CACNA1A: variants seen among roughly 807,000 people sequenced by gnomAD.
The protein encoded by CACNA1A is calcium voltage-gated channel subunit alpha1 A, also known as voltage-dependent P/Q-type calcium channel subunit alpha-1A.
Under a neutral mutation model 262.4 loss-of-function variants are expected in CACNA1A, and 57 were observed. That is an observed-to-expected ratio of 0.22 (90% CI 0.18 to 0.27). The LOEUF (loss-of-function observed/expected upper bound fraction) is 0.27, where lower values mean the gene tolerates loss of function less well. Ranked by LOEUF, CACNA1A falls within the 10% of genes least tolerant of loss-of-function variation. CACNA1A has a pLI of 1.00. For missense variants in CACNA1A, 2,526 were observed against 3,562.8 expected, an observed-to-expected ratio of 0.71 and a Z score of 7.41; for synonymous variants, 1,431 against 1,419.3, an observed-to-expected ratio of 1.01 and a Z score of -0.18.
intron 19 of CACNA1A, among the ~76,000 whole-genome samples, chr19:13,289,260 G>T (rs1249403263): frequency 1.3e-5 from 2 of 150,548 alleles, no homozygotes; most frequent in African/African-American, 4.9e-5. Flanking sequence ...TCCCACCTCA[G>T]CCTTCCCAGT....
intron 24 of CACNA1A, chr19:13,273,872 C>G (rs370612914): frequency 2.6e-5 from 4 of 151,636 alleles, no homozygotes; most frequent in African/African-American, 7.3e-5. Context: ...CTCAGCCTCC[C>G]GTGTAGCTGC....
rs34348281 is a variant in CACNA1A at position 13,488,390 on chromosome 19, C to CTTTTTTT, written c.293+17535_293+17541dup. ...GCATCAGCATTTTCCTTTTTCTTTT[C>CTTTTTTT]TTTTTTTTTTTTTTTTTTTTTTTTT... On this transcript the variant is annotated intron_variant, in intron 1 of 46. Transcript: ENST00000360228. Among the ~76,000 whole-genome samples the CTTTTTTT allele has an allele frequency of 2.6e-3, 203 of 77,638 alleles. 13 individuals are homozygous for CTTTTTTT. Among genetic ancestry groups the CTTTTTTT allele is most frequent in the African/African-American group, 0.011 (178 of 16,660 alleles). 50.9% of individuals were successfully genotyped at this position (77,638 alleles called of 152,430 possible).
chr19:13,455,076 G>A, intron 2 of CACNA1A, 31 bp downstream of exon 2: 1 of 1,373,058 alleles, frequency 7.3e-7, no homozygotes, highest in Non-Finnish European at 1.0e-6. Context: ...CTAAAGCCAA[G>A]GAGAAGACCC....
At chr19:13,431,109 G>C (rs1008707527) in intron 3 of CACNA1A, among the ~76,000 whole-genome samples, 2 of 151,938 alleles carry the variant, frequency 1.3e-5, no homozygotes, top group Non-Finnish European at 2.9e-5. Context: ...GGAGAATTTG[G>C]GCTTTTTCTC....
At chr19:13,291,106 C>T (rs192237403) in intron 19 of CACNA1A, among the ~76,000 whole-genome samples, 8 of 152,216 alleles carry the variant, frequency 5.3e-5, no homozygotes, top group Admixed American at 3.9e-4. Flanking sequence ...AGCTGCACCC[C>T]TACCCCCTTC....
At chr19:13,354,302 G>T (rs576159619) in intron 6 of CACNA1A, among the ~76,000 whole-genome samples, 64 of 152,282 alleles carry the variant, frequency 4.2e-4, no homozygotes, top group Non-Finnish European at 8.5e-4. Context: ...GAGTTGGCTG[G>T]CAAGGCCACA....
At chr19:13,279,632 A>C (rs767916352) in intron 22 of CACNA1A, among the ~76,000 whole-genome samples, 1 of 151,816 alleles carries the variant, frequency 6.6e-6, no homozygotes, top group Non-Finnish European at 1.5e-5. Flanking sequence ...TTACAGGCGC[A>C]TGCTACCACG....
rs1013100046 is a variant in CACNA1A at position 13,359,752 on chromosome 19, C to A, written c.832G>T (p.Ala278Ser). ...TTGGTCCCATTGGGGCAGGTGCGGG[C>A]GGGCTCTTCTGTCCCACATGGAGCC... is the stretch of plus-strand genomic sequence containing the variant. Reference protein sequence around the residue: ...SPAPCGTEEPARTCPNGTKCQ... With the variant: ...SPAPCGTEEPSRTCPNGTKCQ... Residue 278 changes from alanine (A) to serine (S), a missense_variant, in exon 6 of 47, where the codon GCC becomes TCC. This residue lies in a region of CACNA1A where 52 missense variants were observed against 124.0 expected (regional missense o/e 0.42). Coordinates refer to ENST00000360228, the MANE Select transcript of CACNA1A (RefSeq NM_001127222.2). 1.3e-6 allele frequency: 2 copies of A among 1,559,084 alleles called. No individual in the cohort carries two copies. Among genetic ancestry groups the A allele is most frequent in the Non-Finnish European group, 1.7e-6 (2 of 1,151,168 alleles).
At position 13,212,315 on chromosome 19, in the gene CACNA1A, G is replaced by GC. The variant is rs1456228037; in HGVS notation, c.6189+68_6189+69insG. On this transcript the variant is annotated intron_variant, in intron 42 of 46. Coordinates refer to ENST00000360228, the MANE Select transcript of CACNA1A (RefSeq NM_001127222.2). This position sits in a 1 kb window ranked among gnomAD's most constrained non-coding sequence, Gnocchi z 5.6. The stretch of plus-strand genomic sequence containing the variant: ...GAGCTGCAGGTGTGTGTGTGTGGGG[G>GC]GCCCAGATCCCTTCCACCTGAACCA... The GC allele has an allele frequency of 1.9e-6, 3 of 1,580,280 alleles. No homozygotes were observed. The African/African-American group carries it at 4.0e-5, about 21-fold the overall frequency.
intron 3 of CACNA1A, among the ~76,000 whole-genome samples, chr19:13,402,174 T>C (rs1027764896): frequency 2.0e-5 from 3 of 152,226 alleles, no homozygotes; most frequent in Admixed American, 1.3e-4. Context: ...CTCTCCTTCA[T>C]ACCTTTCCTA....
rs1208516413 is a variant in CACNA1A, at chr19:13,329,086, CAACAAT to C, written c.1345+1152_1345+1157del. 2.2e-4 allele frequency among the ~76,000 whole-genome samples: 33 copies of C among 152,260 alleles called. No homozygotes were observed. In the South Asian group the frequency reaches 6.9e-3, roughly 32 times the overall value. On this transcript the variant is annotated intron_variant, in intron 10 of 46. Coordinates refer to ENST00000360228, the MANE Select transcript of CACNA1A (RefSeq NM_001127222.2). The stretch of plus-strand genomic sequence containing the variant: ...ACAAAAACCCATTAAAGAACAACAA[CAACAAT>C]AACAATACATTCTCACTTTAGAAGG...
rs541076934 is a variant in CACNA1A at position 13,224,793 on chromosome 19, G to A, written c.5626-21C>T. 7 of 1,572,428 alleles carry A rather than the reference G, an allele frequency of 4.5e-6. No homozygotes were observed. In the South Asian group the frequency reaches 8.0e-5, roughly 18 times the overall value. On this transcript the variant is annotated intron_variant, in intron 37 of 46. Coordinates refer to ENST00000360228, the MANE Select transcript of CACNA1A (RefSeq NM_001127222.2). ...AGCCGCTACAGAAAACCCAAGGCAAGCGCAGTCATTCCCAGGCATCCCTCC... is the reference window on the plus strand; with the variant it reads ...AGCCGCTACAGAAAACCCAAGGCAAACGCAGTCATTCCCAGGCATCCCTCC...
chr19:13,320,751 T>C (rs10407144), intron 10 of CACNA1A, among the ~76,000 whole-genome samples: 30,468 of 152,086 alleles, frequency 0.2, 3,117 homozygotes, highest in East Asian at 0.28. Context: ...TCTCTCGTTT[T>C]TCTCTGTGGT....
chr19:13,362,562 C>T (rs1293004910), intron 5 of CACNA1A: 1 of 152,210 alleles, frequency 6.6e-6, no homozygotes, highest in Non-Finnish European at 1.5e-5. Flanking sequence ...AGGCTGGTCT[C>T]AAACTAACGG....
At chr19:13,233,524 G>C (rs1385630760) in intron 34 of CACNA1A, among the ~76,000 whole-genome samples, 1 of 152,088 alleles carries the variant, frequency 6.6e-6, no homozygotes, top group East Asian at 1.9e-4. Context: ...GTCTCGCTCT[G>C]TTGCCGAGGC....
intron 40 of CACNA1A, chr19:13,213,707 G>A (rs74181700): frequency 9.8e-6 from 1 of 102,534 alleles, no homozygotes; most frequent in African/African-American, 4.0e-5. Context: ...TTTTGAGATA[G>A]AGTCCTGCTC....
chr19:13,436,840 C>T (rs2060621018), intron 3 of CACNA1A, among the ~76,000 whole-genome samples: 1 of 152,326 alleles, frequency 6.6e-6, no homozygotes, highest in African/African-American at 2.4e-5. Flanking sequence ...GAGACAGTAT[C>T]ATATCAGTAA....
At chr19:13,213,096 T>C (rs1328903445) in intron 40 of CACNA1A, among the ~76,000 whole-genome samples, 1 of 152,124 alleles carries the variant, frequency 6.6e-6, no homozygotes, top group Non-Finnish European at 1.5e-5. Context: ...GGCTCCCACT[T>C]GCTTGGGGAA....
chr19:13,314,562 G>A (rs777735269), intron 11 of CACNA1A, among the ~76,000 whole-genome samples: 8 of 152,130 alleles, frequency 5.3e-5, no homozygotes, highest in Non-Finnish European at 1.0e-4. Flanking sequence ...AGTGTTCAAG[G>A]TGCAATCTTG....
Sources: allele counts gnomAD v4.1 joint callset (sites outside exome capture counted in the v4.1 genomes callset), GRCh38; gene constraint gnomAD v4.1.1; regional missense constraint gnomAD v4.1.1; non-coding constraint Gnocchi (gnomAD v3.1); transcripts MANE v1.5; gene names NCBI Gene and HGNC (gene_info 2026-07-23, HGNC 2026-07-21).